Variants in MAPRE3 observed in about 807,000 individuals in gnomAD.
MAPRE3 encodes microtubule associated protein RP/EB family member 3, also known as microtubule-associated protein RP/EB family member 3.
MAPRE3 carries 2 observed loss-of-function variants against 30.5 expected under a neutral mutation model. The observed-to-expected ratio is 0.07, with a 90% CI of 0.03 to 0.21. MAPRE3 has a LOEUF of 0.21. Among genes scored for constraint, MAPRE3 ranks in the 10% least tolerant of loss-of-function variants. MAPRE3 has a pLI of 1.00. For missense variants in MAPRE3, 204 were observed against 351.8 expected (o/e 0.58, Z 3.36); for synonymous variants, 110 against 127.7 (o/e 0.86, Z 0.93).
At chr2:26,991,249 A>T (rs1263902912) in intron 1 of MAPRE3, among the ~76,000 whole-genome samples, 1 of 152,098 alleles carries the variant, frequency 6.6e-6, no homozygotes, top group Non-Finnish European at 1.5e-5. Flanking sequence ...GTGAGACTCC[A>T]TCCCAAAAAA....
intron 1 of MAPRE3, among the ~76,000 whole-genome samples, chr2:26,983,251 G>A (rs1389882951): frequency 1.3e-5 from 2 of 152,162 alleles, no homozygotes; most frequent in Non-Finnish European, 2.9e-5. Context: ...ACTCTCCTAG[G>A]TATGGATGAC....
rs1386098775 is a variant in MAPRE3 at position 27,015,690 on chromosome 2, C to T, written c.-7-6522C>T. 6.6e-6 allele frequency among the ~76,000 whole-genome samples: 1 copy of T among 152,086 alleles called. No homozygotes were observed. The highest frequency in any genetic ancestry group is 6.5e-5 in the Admixed American group (1 of 15,276). ...TATTTGTGGAAGACAGATTTAAAAA[C>T]AAAAAGCCAAAATTAGATTTAGGCT... On this transcript the variant is annotated intron_variant, in intron 1 of 6. Transcript: ENST00000233121. This position sits in a 1 kb window ranked among gnomAD's most constrained non-coding sequence, Gnocchi z 4.0.
chr2:27,024,511 C>T (rs1463274909), intron 4 of MAPRE3, among the ~76,000 whole-genome samples: 3 of 152,242 alleles, frequency 2.0e-5, no homozygotes, highest in Non-Finnish European at 2.9e-5. Flanking sequence ...GGAGAGCCAC[C>T]AGCACCAGCC....
At chr2:26,982,391 G>A (rs962825228) in intron 1 of MAPRE3, among the ~76,000 whole-genome samples, 1 of 152,218 alleles carries the variant, frequency 6.6e-6, no homozygotes, top group African/African-American at 2.4e-5. Context: ...TGTGGAAACG[G>A]AAAAGCTAGG....
chr2:26,972,526 T>C (rs373702179), intron 1 of MAPRE3, among the ~76,000 whole-genome samples: 2 of 152,200 alleles, frequency 1.3e-5, no homozygotes, highest in Admixed American at 6.5e-5. Flanking sequence ...TTTGGTGGGA[T>C]GCACCTGCCT....
At chr2:26,999,677 A>T (rs1352231070) in intron 1 of MAPRE3, among the ~76,000 whole-genome samples, 1 of 151,202 alleles carries the variant, frequency 6.6e-6, no homozygotes, top group Non-Finnish European at 1.5e-5. Context: ...CTAATTTTGT[A>T]TTTTTAGTAG....
At chr2:26,970,991 G>T (rs1275870913) in intron 1 of MAPRE3, among the ~76,000 whole-genome samples, 189 bp downstream of exon 1, 2 of 151,058 alleles carry the variant, frequency 1.3e-5, no homozygotes, top group African/African-American at 4.9e-5. Flanking sequence ...CGGCCTTGGC[G>T]GCCCGGCCTC....
chr2:26,997,753 A>G (rs1666496555), intron 1 of MAPRE3, among the ~76,000 whole-genome samples: 1 of 152,198 alleles, frequency 6.6e-6, no homozygotes, highest in Admixed American at 6.5e-5. Flanking sequence ...CAGGGTACAT[A>G]TATGCTTAAT....
intron 1 of MAPRE3, among the ~76,000 whole-genome samples, chr2:27,010,079 C>T (rs1666815459): frequency 6.6e-6 from 1 of 152,196 alleles, no homozygotes; most frequent in East Asian, 1.9e-4. Flanking sequence ...GAATCTGAGG[C>T]TCTGCAATGT....
intron 6 of MAPRE3, 107 bp from the exon 7 acceptor site, chr2:27,026,173 C>A: frequency 1.4e-6 from 2 of 1,381,798 alleles, no homozygotes; most frequent in South Asian, 1.3e-5. Flanking sequence ...CACCCATTAG[C>A]AGGGCTCCTG....
chr2:26,975,636 G>A (rs1284291061), intron 1 of MAPRE3, among the ~76,000 whole-genome samples: 1 of 152,148 alleles, frequency 6.6e-6, no homozygotes, highest in Non-Finnish European at 1.5e-5. Flanking sequence ...AGACTCAAAG[G>A]GGAACTTTTA....
chr2:27,011,881 G>A (rs72808903), intron 1 of MAPRE3: 2,301 of 139,056 alleles, frequency 0.017, 26 homozygotes, highest in Admixed American at 0.025. Context: ...GAGAGGTTAA[G>A]GCAATGCTGC....
At chr2:26,973,606 C>T (rs1262481190) in intron 1 of MAPRE3, among the ~76,000 whole-genome samples, 1 of 148,250 alleles carries the variant, frequency 6.7e-6, no homozygotes, top group Non-Finnish European at 1.5e-5. Context: ...GGACTGCGGA[C>T]TGCAGTGGCG....
chr2:26,974,546 C>A (rs191078103), intron 1 of MAPRE3, among the ~76,000 whole-genome samples: 121 of 152,272 alleles, frequency 7.9e-4, no homozygotes, highest in African/African-American at 2.9e-3. Flanking sequence ...TGGGCAGCTG[C>A]GGGCTTATCT....
At chr2:27,007,687 G>A (rs1409797585) in intron 1 of MAPRE3, among the ~76,000 whole-genome samples, 1 of 152,114 alleles carries the variant, frequency 6.6e-6, no homozygotes, top group Non-Finnish European at 1.5e-5. Flanking sequence ...TACAGAGGGG[G>A]CCCCTGTTAA....
chr2:27,016,449 A>C (rs1666988171), intron 1 of MAPRE3, among the ~76,000 whole-genome samples: 1 of 136,318 alleles, frequency 7.3e-6, no homozygotes, highest in South Asian at 2.3e-4. Context: ...CAGTGGCGCT[A>C]TCTTGGCTCA....
rs752666573 is a variant in MAPRE3 at position 27,024,341 on chromosome 2, G to A, written c.469+44G>A. The A allele has an allele frequency of 6.8e-5, 107 of 1,575,628 alleles. No individual in the cohort carries two copies. In the Admixed American group the frequency reaches 9.1e-4, roughly 13 times the overall value. On this transcript the variant is annotated intron_variant, in intron 4 of 6. Coordinates refer to ENST00000233121, the MANE Select transcript of MAPRE3 (RefSeq NM_012326.4). ...GGGAGGGAGCGTGGGGGGCCGGGCC[G>A]GCAGGCCTCTATAGCCAGGAGTGCC... is the stretch of plus-strand genomic sequence containing the variant.
At chr2:26,992,192 C>T (rs1041653658) in intron 1 of MAPRE3, among the ~76,000 whole-genome samples, 5 of 151,770 alleles carry the variant, frequency 3.3e-5, no homozygotes, top group Non-Finnish European at 7.4e-5. Flanking sequence ...TTAGGAGAAG[C>T]GTAGTACTCA....
intron 1 of MAPRE3, among the ~76,000 whole-genome samples, chr2:26,975,846 C>G (rs1357435900): frequency 6.6e-6 from 1 of 152,062 alleles, no homozygotes; most frequent in Non-Finnish European, 1.5e-5. Flanking sequence ...CAGTTTGCAC[C>G]AAATCAAGCT....
Sources: gnomAD v4.1 joint callset for allele counts (sites outside exome capture counted in the v4.1 genomes callset) on GRCh38, gnomAD v4.1.1 for gene constraint, Gnocchi (gnomAD v3.1) non-coding constraint, MANE v1.5 for transcripts, NCBI Gene and HGNC (gene_info 2026-07-23, HGNC 2026-07-21) for gene names.